Variants in PTPRK observed in about 807,000 individuals in gnomAD.
The protein encoded by PTPRK is protein tyrosine phosphatase receptor type K.
PTPRK carries 75 observed loss-of-function variants against 178.0 expected under a neutral mutation model. That is an observed-to-expected ratio of 0.42 (90% CI 0.35 to 0.51). The LOEUF is 0.51. Ranked by LOEUF, PTPRK falls within the 20% of genes least tolerant of loss-of-function variation. The probability of loss-of-function intolerance (pLI) is 0.02; values close to 1 mark genes in which losing one functional copy is unlikely to be tolerated. For synonymous variants in PTPRK, 637 were observed against 620.6 expected (o/e 1.03, Z -0.39); for missense variants, 1,441 against 1,797.8 (o/e 0.80, Z 3.59).
At chr6:128,155,021 A>G (rs1486369420) in intron 7 of PTPRK, among the ~76,000 whole-genome samples, 1 of 151,730 alleles carries the variant, frequency 6.6e-6, no homozygotes, top group East Asian at 1.9e-4. Flanking sequence ...CCATTCTCAC[A>G]CAGCACTTGG....
intron 1 of PTPRK, among the ~76,000 whole-genome samples, chr6:128,479,278 C>A (rs537595950): frequency 6.6e-6 from 1 of 152,142 alleles, no homozygotes; most frequent in Non-Finnish European, 1.5e-5. Context: ...AAAAAAAATT[C>A]TGCATTTTAT....
chr6:128,490,987 C>A (rs779247126), intron 1 of PTPRK, among the ~76,000 whole-genome samples: 5 of 152,142 alleles, frequency 3.3e-5, no homozygotes, highest in Non-Finnish European at 5.9e-5. Flanking sequence ...CTTTAAAGTC[C>A]CTACCTCCAA....
intron 7 of PTPRK, among the ~76,000 whole-genome samples, chr6:128,100,224 C>G (rs1294158084): frequency 6.6e-6 from 1 of 151,778 alleles, no homozygotes; most frequent in Non-Finnish European, 1.5e-5. Context: ...AGGAAATTGA[C>G]AAAGATAAGA....
chr6:128,180,077 G>C (rs968687645), intron 7 of PTPRK, among the ~76,000 whole-genome samples: 3 of 151,986 alleles, frequency 2.0e-5, no homozygotes, highest in African/African-American at 7.2e-5. Flanking sequence ...TTCCCTATGA[G>C]AGAGATGCTG....
chr6:128,462,086 C>T (rs1216177760), intron 1 of PTPRK, among the ~76,000 whole-genome samples: 1 of 152,128 alleles, frequency 6.6e-6, no homozygotes, highest in Non-Finnish European at 1.5e-5. Flanking sequence ...GCCTCAGCCT[C>T]CCAAGTAGCC....
At chr6:128,048,683 C>A (rs964765722) in intron 13 of PTPRK, among the ~76,000 whole-genome samples, 2 of 152,178 alleles carry the variant, frequency 1.3e-5, no homozygotes, top group Admixed American at 1.3e-4. Context: ...AGTCAAACAA[C>A]CACAGACTTA....
intron 1 of PTPRK, among the ~76,000 whole-genome samples, chr6:128,497,323 T>C (rs575218268): frequency 7.3e-4 from 111 of 152,224 alleles, no homozygotes; most frequent in Middle Eastern, 3.4e-3. Context: ...AAAATAACCA[T>C]TTTATGCTGA....
Position 127,990,853 on chromosome 6 carries a change from A to G in PTPRK, c.3012T>C (p.Thr1004=), listed in dbSNP as rs755302831. The G allele has an allele frequency of 1.5e-5, 24 of 1,610,624 alleles. No individual in the cohort carries two copies. Among genetic ancestry groups the G allele is most frequent in the Non-Finnish European group, 2.0e-5 (23 of 1,177,250 alleles). The part of the protein sequence containing the change: ...VKCYKYWPDD[T]EVYGDFKVTC... ...TTACTTTGAAGTCACCATAAACTTC[A>G]GTATCATCAGGCCAATATTTATAGC... Residue 1004 remains threonine (T), a synonymous_variant, in exon 21 of 30, where the codon ACT becomes ACC. Transcript: ENST00000368226.
At chr6:128,174,494 A>G (rs1388538023) in intron 7 of PTPRK, among the ~76,000 whole-genome samples, 1 of 151,938 alleles carries the variant, frequency 6.6e-6, no homozygotes, top group African/African-American at 2.4e-5. Context: ...ATATATTAAA[A>G]TAACTAGGAG....
intron 6 of PTPRK, among the ~76,000 whole-genome samples, chr6:128,188,723 A>C (rs564619854): frequency 2.0e-5 from 3 of 152,334 alleles, no homozygotes; most frequent in South Asian, 2.1e-4. Context: ...TCAAGCTGTC[A>C]GAAGGCCGTA....
chr6:128,201,590 G>T (rs747047115), intron 6 of PTPRK, among the ~76,000 whole-genome samples: 1 of 152,134 alleles, frequency 6.6e-6, no homozygotes, highest in Non-Finnish European at 1.5e-5. Context: ...CAGGCGTGAC[G>T]GCTCATGCGT....
At chr6:128,310,952 G>A (rs1229329698) in intron 3 of PTPRK, among the ~76,000 whole-genome samples, 1 of 152,106 alleles carries the variant, frequency 6.6e-6, no homozygotes, top group Non-Finnish European at 1.5e-5. Context: ...ACAGGCAGAT[G>A]GAGGAGAAGA....
chr6:128,004,245 C>T (rs1404714436), intron 15 of PTPRK, among the ~76,000 whole-genome samples: 1 of 151,742 alleles, frequency 6.6e-6, no homozygotes, highest in East Asian at 1.9e-4. Context: ...CCTGATTTGC[C>T]TGCCTCAAGC....
chr6:128,332,998 G>A lies in PTPRK; in HGVS notation c.224-10688C>T, dbSNP rs183897427. Among the ~76,000 whole-genome samples the A allele has an allele frequency of 1.1e-3, 164 of 152,222 alleles. 1 individual carries two copies. The highest frequency in any genetic ancestry group is 3.6e-3 in the African/African-American group (149 of 41,542). On this transcript the variant is annotated intron_variant, in intron 2 of 29. Coordinates refer to ENST00000368226, the MANE Select transcript of PTPRK (RefSeq NM_002844.4). ...GCTATCCAACCTGCACAGCTTTTATGTTACATAGTAGTGAAAAGTTTTGAG... is the reference window on the plus strand; with the variant it reads ...GCTATCCAACCTGCACAGCTTTTATATTACATAGTAGTGAAAAGTTTTGAG...
At chr6:128,076,518 T>C (rs1434738356) in intron 11 of PTPRK, among the ~76,000 whole-genome samples, 1 of 152,052 alleles carries the variant, frequency 6.6e-6, no homozygotes, top group Non-Finnish European at 1.5e-5. Context: ...TTTATTTTCC[T>C]GGTAGTAACA....
chr6:128,018,919 A>G (rs746731153), intron 13 of PTPRK, among the ~76,000 whole-genome samples: 1 of 152,134 alleles, frequency 6.6e-6, no homozygotes, highest in Non-Finnish European at 1.5e-5. Context: ...AGGCTAAAAA[A>G]CCAGAAAGAT....
intron 13 of PTPRK, among the ~76,000 whole-genome samples, chr6:128,015,573 G>A (rs1204756645): frequency 1.3e-5 from 2 of 151,636 alleles, no homozygotes; most frequent in Non-Finnish European, 3.0e-5. Context: ...AAAGGTAAAT[G>A]CGAAGAAATG....
intron 7 of PTPRK, among the ~76,000 whole-genome samples, chr6:128,182,040 T>C (rs993372134): frequency 6.6e-6 from 1 of 152,070 alleles, no homozygotes; most frequent in Non-Finnish European, 1.5e-5. Context: ...TCCCCAAAAA[T>C]CTTGCAGACA....
intron 1 of PTPRK, among the ~76,000 whole-genome samples, chr6:128,475,289 T>C (rs925650139): frequency 1.3e-5 from 2 of 152,098 alleles, no homozygotes; most frequent in Admixed American, 6.6e-5. Flanking sequence ...GACTTGTGCA[T>C]AGAAAACATT....
Sources: allele counts gnomAD v4.1 joint callset (sites outside exome capture counted in the v4.1 genomes callset), GRCh38; gene constraint gnomAD v4.1.1; transcripts MANE v1.5; gene names NCBI Gene and HGNC (gene_info 2026-07-23, HGNC 2026-07-21).